The following MED23 variants were observed in gnomAD, a reference collection of about 807,000 sequenced individuals.
MED23 encodes mediator complex subunit 23, also known as mediator of RNA polymerase II transcription subunit 23.
MED23 carries 105 observed loss-of-function variants against 163.9 expected under a neutral mutation model. The ratio of observed to expected loss-of-function variants is 0.64; its 90% CI spans 0.55 to 0.75. The LOEUF is 0.75. Ranked by LOEUF, MED23 falls within the 30% of genes least tolerant of loss-of-function variation. The pLI, the probability that MED23 is intolerant of heterozygous loss-of-function variation, is 0.00. For missense variants in MED23, 1,054 were observed against 1,649.0 expected (o/e 0.64, Z 6.25); for synonymous variants, 561 against 565.6 (o/e 0.99, Z 0.12).
downstream of MED23, chr6:131,583,858 G>C: frequency 6.2e-7 from 1 of 1,614,132 alleles, no homozygotes; most frequent in Non-Finnish European, 8.5e-7. Context: ...TTTCGGACTT[G>C]CTCGGGAGGG....
At chr6:131,613,186 C>T (rs1177567470) in intron 10 of MED23, among the ~76,000 whole-genome samples, 1 of 152,108 alleles carries the variant, frequency 6.6e-6, no homozygotes, top group African/African-American at 2.4e-5. Flanking sequence ...CCAGGGTTCA[C>T]ACACCACACT....
chr6:131,583,579 C>G, downstream of MED23: 3 of 1,561,674 alleles, frequency 1.9e-6, no homozygotes, highest in Non-Finnish European at 2.6e-6. Flanking sequence ...CAAGTCCCAG[C>G]TGACACTTTC....
chr6:131,627,579 T>G, intron 2 of MED23, 62 bp downstream of exon 2: 4 of 1,600,710 alleles, frequency 2.5e-6, no homozygotes, highest in Non-Finnish European at 3.4e-6. Flanking sequence ...AACACGAAAC[T>G]AAGTAAAATC....
At chr6:131,627,740 A>T in intron 1 of MED23, 68 bp from the exon 2 acceptor site, 1 of 1,431,892 alleles carries the variant, frequency 7.0e-7, no homozygotes, top group Non-Finnish European at 9.7e-7. Flanking sequence ...TTAGCCAAGT[A>T]TTACAATGTA....
chr6:131,600,014 A>G (rs376130492), intron 18 of MED23, 24 bp downstream of exon 18: 50 of 1,613,442 alleles, frequency 3.1e-5, no homozygotes, highest in Admixed American at 6.7e-5. Flanking sequence ...TGTGCATTCA[A>G]TAAGTAATTC....
chr6:131,590,321 C>T lies in MED23; in HGVS notation c.3807+1G>A. On this transcript the variant is annotated splice_donor_variant, in intron 27 of 28. Coordinates refer to ENST00000368068, the MANE Select transcript of MED23 (RefSeq NM_004830.4). LOFTEE classifies it high-confidence loss of function. ...CACAGGAAACCCAGATTATATTTTA[C>T]CTCTATCATACAACGAGTTCTCTCT... The T allele has an allele frequency of 1.2e-6, 2 of 1,611,384 alleles. No individual in the cohort carries two copies. The highest frequency in any genetic ancestry group is 1.7e-6 in the Non-Finnish European group (2 of 1,178,032).
intron 30 of MED23, among the ~76,000 whole-genome samples, chr6:131,577,948 C>G (rs1277164881): frequency 1.3e-5 from 2 of 150,004 alleles, no homozygotes; most frequent in African/African-American, 4.9e-5. Flanking sequence ...CAAACACAGG[C>G]AAAAACATGG....
Position 131,590,338 on chromosome 6 carries a change from G to A in MED23, c.3791C>T (p.Thr1264Ile), listed in dbSNP as rs1345903129. The change falls in exon 27 of 29, where the codon ACT (threonine) becomes ATT (isoleucine). Residue 1264 changes from threonine to isoleucine, a missense_variant. By Grantham distance (89) the Thr-to-Ile change is moderately conservative. Coordinates refer to ENST00000368068, the MANE Select transcript of MED23 (RefSeq NM_004830.4). ...PFLQRFQQER[T>I]RCMIEIGVAF... ...ATATTTTACCTCTATCATACAACGA[G>A]TTCTCTCTTGCTGAAATCTTTGTAA... 1.2e-6 allele frequency: 2 copies of A among 1,612,320 alleles called. No homozygotes were observed. The highest frequency in any genetic ancestry group is 1.7e-6 in the Non-Finnish European group (2 of 1,178,692).
chr6:131,580,578 C>T (rs924984993), intron 30 of MED23, among the ~76,000 whole-genome samples: 1 of 152,154 alleles, frequency 6.6e-6, no homozygotes, highest in Non-Finnish European at 1.5e-5. Flanking sequence ...TGCAAGATAT[C>T]ATTTATGTCT....
At chr6:131,615,089 A>G (rs1776574259) in intron 10 of MED23, among the ~76,000 whole-genome samples, 1 of 150,720 alleles carries the variant, frequency 6.6e-6, no homozygotes, top group African/African-American at 2.4e-5. Flanking sequence ...AAAAAAAGAA[A>G]AAAAAAGAAA....
intron 26 of MED23, among the ~76,000 whole-genome samples, chr6:131,590,691 T>A (rs1289487334): frequency 6.6e-6 from 1 of 151,596 alleles, no homozygotes; most frequent in African/African-American, 2.4e-5. Context: ...TGCAGTGGCG[T>A]GATCTTGGCT....
rs1201783221 is a variant in MED23 at position 131,608,066 on chromosome 6, T to C, written c.1083A>G (p.Ala361=). The change falls in exon 12 of 29, where the codon GCA becomes GCG. Residue 361 remains alanine (A), a synonymous_variant. Transcript: ENST00000368068. Reference sequence around the variant, plus strand: ...CTCTGCCTTTAATCAGTCCTCGCCCTGCTAACTATAAAAGATGTTTAAATA... The same window carrying C: ...CTCTGCCTTTAATCAGTCCTCGCCCCGCTAACTATAAAAGATGTTTAAATA... ...HMVLSLHQKL[A]GRGLIKGRDH... 1.2e-6 allele frequency: 2 copies of C among 1,613,756 alleles called. No homozygotes were observed. The highest frequency in any genetic ancestry group is 1.7e-6 in the Non-Finnish European group (2 of 1,179,816).
At chr6:131,615,630 A>G (rs908308681) in intron 10 of MED23, 42 of 542,466 alleles carry the variant, frequency 7.7e-5, no homozygotes, top group African/African-American at 7.1e-4. Context: ...AGTCATGTGT[A>G]GGTTTCTCTG....
At chr6:131,609,562 G>C (rs1776115666) in intron 11 of MED23, among the ~76,000 whole-genome samples, 2 of 143,056 alleles carry the variant, frequency 1.4e-5, no homozygotes, top group South Asian at 4.5e-4. Flanking sequence ...GCCGAGGCTG[G>C]AGTGCAGTCG....
chr6:131,590,293 T>G, intron 27 of MED23, 29 bp downstream of exon 27: 1 of 1,597,488 alleles, frequency 6.3e-7, no homozygotes, highest in Non-Finnish European at 8.6e-7. Context: ...AATTTAATCA[T>G]GTCACAGGAA....
At position 131,598,228 on chromosome 6, in the gene MED23, A is replaced by G; in HGVS notation, c.2607+59T>C. 1 of 1,484,376 alleles carries G rather than the reference A, an allele frequency of 6.7e-7. No homozygotes were observed. The highest frequency in any genetic ancestry group is 1.1e-5 in the South Asian group (1 of 88,072). 92.0% of individuals were successfully genotyped at this position (1,484,376 alleles called of 1,614,324 possible). A position where few individuals can be genotyped will look rare whatever the true frequency, so the allele number is the denominator to read the frequency against. ...GCAATATAGAGCAGATTGGCATAACATATATTAGTCATACATCTTGATCTA... is the reference window on the plus strand; with the variant it reads ...GCAATATAGAGCAGATTGGCATAACGTATATTAGTCATACATCTTGATCTA... On this transcript the variant is annotated intron_variant, in intron 20 of 28. Coordinates refer to ENST00000368068, the MANE Select transcript of MED23 (RefSeq NM_004830.4). The surrounding 1 kb of genome is among the most constrained non-coding windows in gnomAD (Gnocchi z 4.7).
intron 23 of MED23, 81 bp downstream of exon 23, chr6:131,594,018 T>C: frequency 2.5e-6 from 3 of 1,211,982 alleles, no homozygotes; most frequent in Non-Finnish European, 1.2e-6. Flanking sequence ...ACATAAAAAA[T>C]TACTTTAAAA....
chr6:131,583,214 C>G (rs369360991), downstream of MED23: 2 of 1,594,444 alleles, frequency 1.3e-6, no homozygotes, highest in Admixed American at 3.3e-5. Flanking sequence ...GAAAAGGTTG[C>G]TACTGACAAC....
chr6:131,610,341 G>A, intron 10 of MED23, 95 bp from the exon 11 acceptor site: 1 of 1,200,294 alleles, frequency 8.3e-7, no homozygotes, highest in Non-Finnish European at 1.2e-6. Flanking sequence ...AAGAGGCTGA[G>A]AAGCACGGAA....
Sources: allele counts gnomAD v4.1 joint callset (sites outside exome capture counted in the v4.1 genomes callset), GRCh38; gene constraint gnomAD v4.1.1; non-coding constraint Gnocchi (gnomAD v3.1); transcripts MANE v1.5; gene names NCBI Gene and HGNC (gene_info 2026-07-23, HGNC 2026-07-21).